Variants in NIPAL3 observed in about 807,000 individuals in gnomAD.
The protein encoded by NIPAL3 is NIPA like domain containing 3.
Under a neutral mutation model 47.2 loss-of-function variants are expected in NIPAL3, and 41 were observed. That is an observed-to-expected ratio of 0.87 (90% CI 0.68 to 1.13). NIPAL3 has a LOEUF of 1.13. Among genes scored for constraint, NIPAL3 ranks in the 50% most tolerant of loss-of-function variants. NIPAL3 has a pLI of 0.00. For missense variants in NIPAL3, 449 were observed against 530.1 expected (o/e 0.85, Z 1.50); for synonymous variants, 194 against 209.6 (o/e 0.93, Z 0.64).
intron 6 of NIPAL3, among the ~76,000 whole-genome samples, chr1:24,450,752 C>T (rs753769313): frequency 2.4e-4 from 36 of 152,340 alleles, no homozygotes; most frequent in South Asian, 8.3e-4. Context: ...TGCCATCTTC[C>T]TTCCCCGTGG....
chr1:24,457,669 T>C (rs980236877), intron 8 of NIPAL3: 3 of 503,148 alleles, frequency 6.0e-6, no homozygotes, highest in Non-Finnish European at 1.2e-5. Flanking sequence ...AGCTGAGATC[T>C]GAACCCAGGT....
intron 1 of NIPAL3, among the ~76,000 whole-genome samples, chr1:24,417,728 G>GT (rs1644125086): frequency 1.3e-5 from 2 of 152,202 alleles, no homozygotes; most frequent in Non-Finnish European, 2.9e-5. Context: ...ACCTGCATTT[G>GT]TTGTATCCCA....
chr1:24,419,129 T>G (rs1410644714), intron 1 of NIPAL3, among the ~76,000 whole-genome samples, 162 bp from the exon 2 acceptor site: 1 of 152,142 alleles, frequency 6.6e-6, no homozygotes, highest in African/African-American at 2.4e-5. Flanking sequence ...TGATAGGACT[T>G]GTTTTTAACT....
chr1:24,449,680 C>G lies in NIPAL3; in HGVS notation c.540+54C>G. 2 of 1,573,240 alleles carry G rather than the reference C, an allele frequency of 1.3e-6. No homozygotes were observed. The highest frequency in any genetic ancestry group is 1.7e-6 in the Non-Finnish European group (2 of 1,158,554). ...GAGATGGCAGGAGGGAGATCAAGTC[C>G]TAGAAACCAGAAACGTGAATACCCA... On this transcript the variant is annotated intron_variant, in intron 6 of 11. Coordinates refer to ENST00000374399, the MANE Select transcript of NIPAL3 (RefSeq NM_020448.5). This position sits in a 1 kb window ranked among gnomAD's most constrained non-coding sequence, Gnocchi z 4.5.
intron 4 of NIPAL3, among the ~76,000 whole-genome samples, chr1:24,443,945 G>C (rs373753329): frequency 6.6e-6 from 1 of 152,062 alleles, no homozygotes; most frequent in East Asian, 1.9e-4. Context: ...TTCACAATGA[G>C]AAATAAGTGT....
At chr1:24,467,754 T>TA (rs1646759678) in intron 11 of NIPAL3, among the ~76,000 whole-genome samples, 1 of 152,110 alleles carries the variant, frequency 6.6e-6, no homozygotes, top group Non-Finnish European at 1.5e-5. Flanking sequence ...CCCAGTCAGG[T>TA]GTTGTAGCTC....
intron 2 of NIPAL3, among the ~76,000 whole-genome samples, chr1:24,421,275 C>A (rs868195703): frequency 6.6e-6 from 1 of 152,022 alleles, no homozygotes; most frequent in South Asian, 2.1e-4. Context: ...TCATTTGAGC[C>A]AGGGAGGAAG....
chr1:24,449,362 C>A lies in NIPAL3; in HGVS notation c.395-119C>A. 1 of 1,020,024 alleles carries A rather than the reference C, an allele frequency of 9.8e-7. No homozygotes were observed. The highest frequency in any genetic ancestry group is 1.3e-6 in the Non-Finnish European group (1 of 741,988). 63.2% of individuals were successfully genotyped at this position (1,020,024 alleles called of 1,614,324 possible). A position where few individuals can be genotyped will look rare whatever the true frequency, so the allele number is the denominator to read the frequency against. On this transcript the variant is annotated intron_variant, in intron 5 of 11. Coordinates refer to ENST00000374399, the MANE Select transcript of NIPAL3 (RefSeq NM_020448.5). This position sits in a 1 kb window ranked among gnomAD's most constrained non-coding sequence, Gnocchi z 4.5. ...TTAAAGTAAAGAAAAACCAAAAATACAAACAATACCAGGTCATGGTATGTT... is the reference window on the plus strand; with the variant it reads ...TTAAAGTAAAGAAAAACCAAAAATAAAAACAATACCAGGTCATGGTATGTT...
At chr1:24,458,458 G>T (rs774775822) in intron 8 of NIPAL3, among the ~76,000 whole-genome samples, 12 of 151,992 alleles carry the variant, frequency 7.9e-5, no homozygotes, top group Non-Finnish European at 1.8e-4. Context: ...AAATTAAAAA[G>T]AAATTTTGTT....
intron 11 of NIPAL3, among the ~76,000 whole-genome samples, chr1:24,467,597 T>C (rs1045477497): frequency 2.6e-4 from 39 of 152,268 alleles, no homozygotes; most frequent in African/African-American, 8.7e-4. Flanking sequence ...TTTCTGCTGC[T>C]TCATTTTCGT....
Position 24,460,528 on chromosome 1 carries a change from T to G in NIPAL3, c.910T>G (p.Cys304Gly). 6.3e-7 allele frequency: 1 copy of G among 1,581,482 alleles called. No individual in the cohort carries two copies. The highest frequency in any genetic ancestry group is 8.6e-7 in the Non-Finnish European group (1 of 1,167,890). Residue 304 changes from cysteine (C) to glycine (G), a missense_variant, in exon 10 of 12, where the codon TGC becomes GGC. Cys to Gly is a radical substitution (Grantham distance 159, BLOSUM62 -3). Transcript: ENST00000374399. ...CATCGGGGAGGACGTGCTGCACATCTGCATGTTTGCACTGGGGTGAGTTCT... is the reference window on the plus strand; with the variant it reads ...CATCGGGGAGGACGTGCTGCACATCGGCATGTTTGCACTGGGGTGAGTTCT... ...DFIGEDVLHI[C>G]MFALGCLIAF... is the part of the protein sequence containing the mutation.
chr1:24,437,401 TCCA>T (rs2148796430), intron 2 of NIPAL3, among the ~76,000 whole-genome samples: 1 of 152,332 alleles, frequency 6.6e-6, no homozygotes, highest in Admixed American at 6.5e-5. Context: ...GCCTTTTTTG[TCCA>T]CCAAAGCCAT....
At chr1:24,457,697 A>G (rs757766732) in intron 8 of NIPAL3, 6 of 527,566 alleles carry the variant, frequency 1.1e-5, no homozygotes, top group Non-Finnish European at 2.3e-5. Context: ...TCCCCAGCCC[A>G]TGCCCTCACT....
chr1:24,458,409 T>G (rs370400844), intron 8 of NIPAL3, among the ~76,000 whole-genome samples: 2 of 152,364 alleles, frequency 1.3e-5, no homozygotes, highest in South Asian at 2.1e-4. Flanking sequence ...TCTAATTTTC[T>G]CTTTTTCCTG....
upstream of NIPAL3, chr1:24,415,419 C>G (rs1050930023): frequency 6.9e-6 from 1 of 144,584 alleles, no homozygotes; most frequent in Non-Finnish European, 1.5e-5. Context: ...GAGCAAAGCC[C>G]GGAAGGTGGC....
chr1:24,462,849 G>A (rs1383614414), intron 10 of NIPAL3, among the ~76,000 whole-genome samples: 2 of 152,094 alleles, frequency 1.3e-5, no homozygotes, highest in African/African-American at 4.8e-5. Context: ...TGTAATCCCA[G>A]CACTTTGGGA....
chr1:24,441,809 G>T (rs1287477528), intron 3 of NIPAL3, among the ~76,000 whole-genome samples: 1 of 152,054 alleles, frequency 6.6e-6, no homozygotes, highest in Non-Finnish European at 1.5e-5. Flanking sequence ...AGGCCCAGGT[G>T]GGTATTTTGA....
rs868038595 is a variant in NIPAL3, at chr1:24,464,234, C to G, written c.1021+114C>G. 23 of 714,380 alleles carry G rather than the reference C, an allele frequency of 3.2e-5. 2 individuals carry two copies. The Middle Eastern group carries it at 5.8e-3, about 181-fold the overall frequency. The allele number at this position is 714,380 out of a possible 1,614,324, so 44.3% of individuals were successfully genotyped here. On this transcript the variant is annotated intron_variant, in intron 11 of 11. Transcript: ENST00000374399. ...TGTGCCTTTATCGTGTGACTGTTCTCTCACTGTCTTTTTTCTTTTCTTTTT... is the reference window on the plus strand; with the variant it reads ...TGTGCCTTTATCGTGTGACTGTTCTGTCACTGTCTTTTTTCTTTTCTTTTT...
intron 2 of NIPAL3, among the ~76,000 whole-genome samples, chr1:24,427,975 G>C (rs1644673948): frequency 6.6e-6 from 1 of 152,166 alleles, no homozygotes. Context: ...AGGCACTGAG[G>C]TGGCTCATGC....
Sources: gnomAD v4.1 joint callset for allele counts (sites outside exome capture counted in the v4.1 genomes callset) on GRCh38, gnomAD v4.1.1 for gene constraint, Gnocchi (gnomAD v3.1) non-coding constraint, MANE v1.5 for transcripts, NCBI Gene and HGNC (gene_info 2026-07-23, HGNC 2026-07-21) for gene names.